The following IL1RAPL1 variants were observed in gnomAD, a reference collection of about 807,000 sequenced individuals.
IL1RAPL1 encodes the protein interleukin-1 receptor accessory protein-like 1.
In IL1RAPL1, 3 loss-of-function variants were observed where a neutral mutation model predicts 48.4. The ratio of observed to expected loss-of-function variants is 0.06; its 90% CI spans 0.03 to 0.16. The LOEUF (loss-of-function observed/expected upper bound fraction) is 0.16. Among genes scored for constraint, IL1RAPL1 ranks in the 10% least tolerant of loss-of-function variants. The pLI is 1.00. For missense variants in IL1RAPL1, 349 were observed against 530.6 expected, an observed-to-expected ratio of 0.66 and a Z score of 3.36; for synonymous variants, 185 against 187.7, an observed-to-expected ratio of 0.99 and a Z score of 0.12.
rs750386089 is a variant in IL1RAPL1 at position 29,707,278 on chromosome X, TA to T, written c.778+38784del. 6.3e-3 allele frequency among the ~76,000 whole-genome samples: 668 copies of T among 106,167 alleles called. 2 individuals carry two copies. The highest frequency in any genetic ancestry group is 0.02 in the East Asian group (67 of 3,423). The allele number at this position is 106,167 out of a possible 115,157, so 92.2% of individuals were successfully genotyped here. A position where few individuals can be genotyped will look rare whatever the true frequency, so the allele number is the denominator to read the frequency against. On this transcript the variant is annotated intron_variant, in intron 6 of 10. Transcript: ENST00000378993. ...GCAGGAATGTTCATAAACAAAAAAA[TA>T]AAAAAAAAATAGTTGTTGGCATTGA... is the stretch of plus-strand genomic sequence containing the variant.
At chrX:28,986,913 A>G (rs748335130) in intron 2 of IL1RAPL1, among the ~76,000 whole-genome samples, 22 of 111,817 alleles carry the variant, frequency 2.0e-4, no homozygotes, top group Non-Finnish European at 4.0e-4. Flanking sequence ...CCGTGATGTA[A>G]TTTGCATGGT....
chrX:29,318,344 A>G lies in IL1RAPL1; in HGVS notation c.362+35127A>G, dbSNP rs954523459. ...ATAGAGGCTAGAGTCACGCTTGCTG[A>G]ATACATATGCTGTACATTATTTTGA... On this transcript the variant is annotated intron_variant, in intron 3 of 10. Transcript: ENST00000378993. Among the ~76,000 whole-genome samples, 5 of 112,691 alleles carry G rather than the reference A, an allele frequency of 4.4e-5. No individual in the cohort carries two copies. In the East Asian group the frequency reaches 1.4e-3, roughly 31 times the overall value.
At chrX:29,173,217 T>C in intron 2 of IL1RAPL1, among the ~76,000 whole-genome samples, 1 of 111,444 alleles carries the variant, frequency 9.0e-6, no homozygotes, top group Non-Finnish European at 1.9e-5. Context: ...TTTATTCAGA[T>C]GCCTTGTACA....
At chrX:28,693,312 A>C (rs1220715810) in intron 1 of IL1RAPL1, among the ~76,000 whole-genome samples, 1 of 112,302 alleles carries the variant, frequency 8.9e-6, no homozygotes, top group Non-Finnish European at 1.9e-5. Context: ...ACCCTTTTCC[A>C]AATAGTAAAC....
intron 5 of IL1RAPL1, among the ~76,000 whole-genome samples, chrX:29,414,584 G>C (rs1934190387): frequency 9.0e-6 from 1 of 111,199 alleles, no homozygotes; most frequent in Non-Finnish European, 1.9e-5. Context: ...AGCTGGGCAT[G>C]GTGGTGCATG....
At chrX:29,179,328 AT>A (rs1930096281) in intron 2 of IL1RAPL1, among the ~76,000 whole-genome samples, 1 of 111,309 alleles carries the variant, frequency 9.0e-6, no homozygotes, top group Non-Finnish European at 1.9e-5. Context: ...TGTAAGTTGG[AT>A]TCCTAGGTAT....
chrX:29,011,401 T>G (rs1472092676), intron 2 of IL1RAPL1, among the ~76,000 whole-genome samples: 1 of 112,449 alleles, frequency 8.9e-6, no homozygotes, highest in Admixed American at 9.5e-5. Flanking sequence ...AATTGATGTT[T>G]TAAATGGTGG....
chrX:29,882,707 A>G (rs770892488), intron 6 of IL1RAPL1, among the ~76,000 whole-genome samples: 4 of 112,006 alleles, frequency 3.6e-5, no homozygotes, highest in Non-Finnish European at 7.5e-5. Flanking sequence ...TAGTTGGCAA[A>G]CCTCTGGTCT....
At chrX:29,857,961 G>C (rs1231703035) in intron 6 of IL1RAPL1, among the ~76,000 whole-genome samples, 1 of 111,921 alleles carries the variant, frequency 8.9e-6, no homozygotes, top group Admixed American at 9.5e-5. Context: ...GTATAGGAAA[G>C]ACATCTTTCA....
At chrX:28,902,800 C>T (rs748930952) in intron 2 of IL1RAPL1, among the ~76,000 whole-genome samples, 16 of 111,447 alleles carry the variant, frequency 1.4e-4, no homozygotes, top group Non-Finnish European at 2.6e-4. Context: ...AGCATTACTG[C>T]CTGAGCTCTG....
chrX:29,718,448 C>T, intron 6 of IL1RAPL1, among the ~76,000 whole-genome samples: 1 of 104,862 alleles, frequency 9.5e-6, no homozygotes, highest in Non-Finnish European at 2.0e-5. Context: ...CACACCGGGG[C>T]CTGTTTGGGG....
At chrX:29,462,889 C>T (rs1452770226) in intron 5 of IL1RAPL1, among the ~76,000 whole-genome samples, 3 of 111,504 alleles carry the variant, frequency 2.7e-5, no homozygotes, top group Non-Finnish European at 1.9e-5. Flanking sequence ...AGGTCTTTCC[C>T]TTGGGGATAA....
At chrX:28,952,500 A>G (rs1168950859) in intron 2 of IL1RAPL1, among the ~76,000 whole-genome samples, 2 of 111,805 alleles carry the variant, frequency 1.8e-5, no homozygotes, top group Non-Finnish European at 3.8e-5. Flanking sequence ...TTCTGCCATT[A>G]GCAAAAAATT....
intron 5 of IL1RAPL1, among the ~76,000 whole-genome samples, chrX:29,612,879 A>C: frequency 8.9e-6 from 1 of 112,396 alleles, no homozygotes; most frequent in Middle Eastern, 4.6e-3. Context: ...CTCAATAATT[A>C]TTCACTGAAC....
intron 5 of IL1RAPL1, among the ~76,000 whole-genome samples, chrX:29,623,953 A>G (rs1421580364): frequency 8.9e-6 from 1 of 111,904 alleles, no homozygotes; most frequent in Non-Finnish European, 1.9e-5. Flanking sequence ...TGGAGCTTGG[A>G]CATATTAGGA....
At chrX:28,969,921 C>CTAAACACATATATATGTTTA (rs1925021459) in intron 2 of IL1RAPL1, among the ~76,000 whole-genome samples, 1 of 106,305 alleles carries the variant, frequency 9.4e-6, no homozygotes, top group Non-Finnish European at 2.0e-5. Context: ...ATATATGTTT[C>CTAAACACATATATATGTTTA]TAAACACATA....
intron 3 of IL1RAPL1, among the ~76,000 whole-genome samples, chrX:29,393,927 T>G (rs776456615): frequency 1.1e-4 from 12 of 111,124 alleles, no homozygotes; most frequent in Non-Finnish European, 1.9e-4. Context: ...GCATGAGCAG[T>G]ATTGCTGGCA....
chrX:28,660,086 G>GGTGTGTGTGT lies in IL1RAPL1; in HGVS notation c.-25+72084_-25+72093dup, dbSNP rs60600833. 6.1e-3 allele frequency among the ~76,000 whole-genome samples: 466 copies of GGTGTGTGTGT among 76,419 alleles called. 8 individuals are homozygous for GGTGTGTGTGT. Among genetic ancestry groups the GGTGTGTGTGT allele is most frequent in the East Asian group, 0.02 (39 of 1,953 alleles). The allele number at this position is 76,419 out of a possible 115,157, so 66.4% of individuals were successfully genotyped here. On this transcript the variant is annotated intron_variant, in intron 1 of 10. Transcript: ENST00000378993. ...TCCAAAGCAGAAGCAGAGTGAGGAT[G>GGTGTGTGTGT]GTGTGTGTGTGTGTGTGTGTGTGTG...
At chrX:29,727,121 A>G (rs1186864048) in intron 6 of IL1RAPL1, among the ~76,000 whole-genome samples, 7 of 111,913 alleles carry the variant, frequency 6.3e-5, no homozygotes, top group African/African-American at 2.3e-4. Context: ...GTCTCATAAC[A>G]ATGGGGTTTT....
Sources: gnomAD v4.1 joint callset for allele counts (sites outside exome capture counted in the v4.1 genomes callset) on GRCh38, gnomAD v4.1.1 for gene constraint, MANE v1.5 for transcripts, NCBI Gene and HGNC (gene_info 2026-07-23, HGNC 2026-07-21) for gene names.